Variants in ODR4 observed in about 807,000 individuals in gnomAD.
The protein encoded by ODR4 is odr-4 GPCR localization factor homolog.
ODR4 carries 47 observed loss-of-function variants against 60.2 expected under a neutral mutation model. The observed-to-expected ratio is 0.78, with a 90% CI of 0.62 to 1.00. The LOEUF is 1.00. Among genes scored for constraint, ODR4 ranks in the 50% least tolerant of loss-of-function variants. The pLI, the probability that ODR4 is intolerant of heterozygous loss-of-function variation, is 0.00. For synonymous variants in ODR4, 178 were observed against 175.5 expected, an observed-to-expected ratio of 1.01 and a Z score of -0.11; for missense variants, 488 against 530.8, an observed-to-expected ratio of 0.92 and a Z score of 0.79.
At chr1:186,424,609 G>C (rs1661852834), downstream of ODR4, among the ~76,000 whole-genome samples, 2 of 151,832 alleles carry the variant, frequency 1.3e-5, no homozygotes, top group Admixed American at 1.3e-4. Context: ...GAATCAGCTG[G>C]GTGGTTTTGC....
intron 5 of ODR4, among the ~76,000 whole-genome samples, chr1:186,388,809 T>C (rs1265625925): frequency 6.6e-6 from 1 of 152,192 alleles, no homozygotes; most frequent in African/African-American, 2.4e-5. Flanking sequence ...CTATCTGCCC[T>C]GTACATCCAA....
chr1:186,393,933 TTG>T lies in ODR4; in HGVS notation c.712-10_712-9del, dbSNP rs1558073573. On this transcript the variant is annotated splice_polypyrimidine_tract_variant and intron_variant, in intron 8 of 13. Transcript: ENST00000287859. ...GCTTCACAGTTTGGCTTTTTAACTT[TTG>T]TGTTTTTTCAGAAAAAATCTTCTAG... 6.8e-7 allele frequency: 1 copy of T among 1,461,894 alleles called. No individual in the cohort carries two copies. The highest frequency in any genetic ancestry group is 1.4e-5 in the African/African-American group (1 of 71,474). The allele number at this position is 1,461,894 out of a possible 1,614,324, so 90.6% of individuals were successfully genotyped here.
chr1:186,406,285 A>G lies in ODR4; in HGVS notation c.1186+17A>G, dbSNP rs899591417. 6.5e-7 allele frequency: 1 copy of G among 1,538,604 alleles called. No homozygotes were observed. The highest frequency in any genetic ancestry group is 8.8e-7 in the Non-Finnish European group (1 of 1,141,254). ...CAAACACAGGTCATTATATGATGCT[A>G]TTTAAGAACCTGGTTAGATTACAGC... On this transcript the variant is annotated intron_variant, in intron 12 of 13. Transcript: ENST00000287859.
At chr1:186,378,084 T>C (rs552311547) in intron 1 of ODR4, among the ~76,000 whole-genome samples, 1 of 152,028 alleles carries the variant, frequency 6.6e-6, no homozygotes, top group African/African-American at 2.4e-5. Context: ...GAAATTAATG[T>C]ATTTTGAGAC....
downstream of ODR4, among the ~76,000 whole-genome samples, chr1:186,423,999 C>T (rs1661842819): frequency 6.6e-6 from 1 of 152,124 alleles, no homozygotes; most frequent in Non-Finnish European, 1.5e-5. Context: ...AGACTCTGAG[C>T]TCAGAAAGCA....
At chr1:186,396,782 T>G (rs1660698706) in intron 9 of ODR4, among the ~76,000 whole-genome samples, 1 of 151,650 alleles carries the variant, frequency 6.6e-6, no homozygotes, top group Non-Finnish European at 1.5e-5. Flanking sequence ...CACATACACA[T>G]ATATTTACAT....
At chr1:186,429,786 C>CA in the ODR4 span, among the ~76,000 whole-genome samples, 1 of 152,120 alleles carries the variant, frequency 6.6e-6, no homozygotes, top group Non-Finnish European at 1.5e-5. Flanking sequence ...TTAACCAATG[C>CA]ATAATAAATA....
the ODR4 span, among the ~76,000 whole-genome samples, chr1:186,430,173 G>C: frequency 2.0e-5 from 3 of 151,920 alleles, no homozygotes; most frequent in African/African-American, 7.2e-5. Flanking sequence ...AGATATTTGG[G>C]TAAATAACTA....
In ODR4 at chr1:186,420,527, C is replaced by T. The variant is rs1292054098; in HGVS notation, c.*1451C>T. 1 of 152,152 alleles carries T rather than the reference C, an allele frequency of 6.6e-6. No individual in the cohort carries two copies. Among genetic ancestry groups the T allele is most frequent in the Non-Finnish European group, 1.5e-5 (1 of 68,030 alleles). The allele number at this position is 152,152 out of a possible 1,614,324, so 9.4% of individuals were successfully genotyped here. On this transcript the variant is annotated 3_prime_UTR_variant, in exon 14 of 14. Transcript: ENST00000287859. ...TGAACTCAGTTCTTCAAGGTTTCAT[C>T]ACCAACATAAGGAATGAAGTTGGAA... is the stretch of plus-strand genomic sequence containing the variant.
At chr1:186,406,372 AG>A (rs1157289752) in intron 12 of ODR4, 104 bp downstream of exon 12, 1 of 822,490 alleles carries the variant, frequency 1.2e-6, no homozygotes, top group African/African-American at 1.8e-5. Flanking sequence ...TTTTAAAGCT[AG>A]TTCTGTTTGA....
intron 12 of ODR4, among the ~76,000 whole-genome samples, chr1:186,415,745 C>G (rs75546693): frequency 0.01 from 1,563 of 152,302 alleles, 8 homozygotes; most frequent in Non-Finnish European, 0.016. Context: ...TCTGAGGATG[C>G]TATCAGTTCA....
intron 4 of ODR4, 119 bp downstream of exon 4, chr1:186,386,202 G>A: frequency 1.8e-6 from 1 of 556,904 alleles, no homozygotes; most frequent in Non-Finnish European, 2.9e-6. Context: ...TCTTTTTGTT[G>A]GGGTTACATT....
chr1:186,412,555 A>C (rs930130254), intron 12 of ODR4, among the ~76,000 whole-genome samples: 6 of 152,332 alleles, frequency 3.9e-5, no homozygotes, highest in Admixed American at 6.5e-5. Context: ...ACACATTCCC[A>C]AATAATAGAA....
At chr1:186,395,117 C>T (rs1400866468) in intron 9 of ODR4, among the ~76,000 whole-genome samples, 1 of 152,100 alleles carries the variant, frequency 6.6e-6, no homozygotes, top group African/African-American at 2.4e-5. Flanking sequence ...ATTTTTGAGA[C>T]GGAGTCTCGC....
intron 13 of ODR4, 22 bp downstream of exon 13, chr1:186,417,676 A>G (rs1397579403): frequency 2.5e-6 from 3 of 1,192,936 alleles, no homozygotes; most frequent in African/African-American, 1.5e-5. Context: ...TACTTCTTTT[A>G]TAACACTGAA....
chr1:186,383,622 C>T (rs1283157095), intron 3 of ODR4, among the ~76,000 whole-genome samples: 1 of 150,070 alleles, frequency 6.7e-6, no homozygotes, highest in Non-Finnish European at 1.5e-5. Context: ...ATTTCCTTTT[C>T]CAATCAACTT....
intron 11 of ODR4, among the ~76,000 whole-genome samples, chr1:186,403,385 A>G (rs1661060093): frequency 6.6e-6 from 1 of 152,080 alleles, no homozygotes; most frequent in African/African-American, 2.4e-5. Flanking sequence ...GCATAAATAA[A>G]TGTAAATTCT....
intron 11 of ODR4, chr1:186,400,959 G>T (rs1401304896): frequency 7.5e-6 from 10 of 1,335,994 alleles, no homozygotes; most frequent in Non-Finnish European, 1.0e-5. Flanking sequence ...TGAGTTTGTG[G>T]TAACTCCTGT....
In ODR4 at chr1:186,398,435, T is replaced by A; in HGVS notation, c.903T>A (p.Ala301=). Residue 301 remains alanine (A), a synonymous_variant, in exon 10 of 14, where the codon GCT becomes GCA. Coordinates refer to ENST00000287859, the MANE Select transcript of ODR4 (RefSeq NM_017847.6). ...IHSSKPKVKD[A]VQAVKRDILN... is the part of the protein sequence containing the mutation. ...GCAGTAAACCCAAAGTTAAAGATGC[T>A]GTGCAGGTACAAAAAGGAATAACGA... 1 of 1,604,866 alleles carries A rather than the reference T, an allele frequency of 6.2e-7. No homozygotes were observed. Among genetic ancestry groups the A allele is most frequent in the Non-Finnish European group, 8.5e-7 (1 of 1,175,336 alleles).
Sources: gnomAD v4.1 joint callset for allele counts (sites outside exome capture counted in the v4.1 genomes callset) on GRCh38, gnomAD v4.1.1 for gene constraint, MANE v1.5 for transcripts, NCBI Gene and HGNC (gene_info 2026-07-23, HGNC 2026-07-21) for gene names.